Variants in SRGAP3 observed in about 807,000 individuals in gnomAD.
SRGAP3 encodes SLIT-ROBO Rho GTPase activating protein 3.
In SRGAP3, 39 loss-of-function variants were observed where a neutral mutation model predicts 121.1. The ratio of observed to expected loss-of-function variants is 0.32; its 90% CI spans 0.25 to 0.42. The LOEUF is 0.42. Among genes scored for constraint, SRGAP3 ranks in the 10% least tolerant of loss-of-function variants. The pLI is 1.00. For synonymous variants in SRGAP3, 601 were observed against 570.0 expected (o/e 1.05, Z -0.77); for missense variants, 1,213 against 1,470.6 (o/e 0.82, Z 2.86).
chr3:9,228,922 C>T (rs936190486), intron 1 of SRGAP3, among the ~76,000 whole-genome samples: 2 of 151,508 alleles, frequency 1.3e-5, no homozygotes, highest in Admixed American at 6.6e-5. Context: ...ATTAGCCGGG[C>T]GCGGTGGCGG....
intron 3 of SRGAP3, among the ~76,000 whole-genome samples, chr3:9,277,086 T>C (rs1200414983): frequency 6.6e-6 from 1 of 152,226 alleles, no homozygotes; most frequent in African/African-American, 2.4e-5. Context: ...ATACCTATTA[T>C]AAAAGATTAT....
rs74567143 is a variant in SRGAP3 at position 9,240,905 on chromosome 3, G to A, written c.67+7980C>T. ...TGAAGGGATCTGACACACCGCGGTG[G>A]CATCAAGTGCAAACTAGGAGAGGCT... On this transcript the variant is annotated intron_variant, in intron 1 of 21. Coordinates refer to ENST00000383836, the MANE Select transcript of SRGAP3 (RefSeq NM_014850.4). 1.6e-3 allele frequency among the ~76,000 whole-genome samples: 240 copies of A among 152,258 alleles called. 1 individual carries two copies. The highest frequency in any genetic ancestry group is 5.5e-3 in the African/African-American group (230 of 41,540).
chr3:9,182,307 T>C (rs529770292), intron 1 of SRGAP3, among the ~76,000 whole-genome samples: 4 of 152,040 alleles, frequency 2.6e-5, no homozygotes, highest in African/African-American at 9.6e-5. Flanking sequence ...CATCAGGGCA[T>C]GTCCTGATCC....
chr3:9,050,557 G>C (rs1024445196), intron 9 of SRGAP3, among the ~76,000 whole-genome samples: 2 of 152,212 alleles, frequency 1.3e-5, no homozygotes, highest in African/African-American at 2.4e-5. Context: ...CTAAAATAAT[G>C]AGTCATGAGA....
intron 1 of SRGAP3, among the ~76,000 whole-genome samples, chr3:9,210,453 C>G (rs1952410717): frequency 6.6e-6 from 1 of 152,150 alleles, no homozygotes; most frequent in African/African-American, 2.4e-5. Flanking sequence ...TACCACTGCA[C>G]TCCAGCCTAG....
At chr3:9,083,282 T>C (rs1947321792) in intron 3 of SRGAP3, among the ~76,000 whole-genome samples, 1 of 152,194 alleles carries the variant, frequency 6.6e-6, no homozygotes, top group African/African-American at 2.4e-5. Flanking sequence ...ATGATCTTTT[T>C]ACATAGGTAA....
intron 3 of SRGAP3, among the ~76,000 whole-genome samples, chr3:9,302,071 A>C (rs1253189179): frequency 6.6e-6 from 1 of 152,164 alleles, no homozygotes; most frequent in Non-Finnish European, 1.5e-5. Context: ...ATGTGCTTAC[A>C]ACCGTCCTCA....
upstream of SRGAP3, chr3:9,249,757 A>G (rs17744749): frequency 0.057 from 12,348 of 217,296 alleles, 514 homozygotes; most frequent in Admixed American, 0.14. Context: ...AGCAGAACTC[A>G]CTGCAAGCAA....
At chr3:9,039,876 C>G (rs559449873) in intron 10 of SRGAP3, among the ~76,000 whole-genome samples, 1 of 152,212 alleles carries the variant, frequency 6.6e-6, no homozygotes, top group African/African-American at 2.4e-5. Context: ...TCTTTATCCA[C>G]TCAACACAAA....
At chr3:8,988,830 C>A (rs979226232) in intron 21 of SRGAP3, among the ~76,000 whole-genome samples, 15 of 152,172 alleles carry the variant, frequency 9.9e-5, no homozygotes, top group Admixed American at 7.8e-4. Flanking sequence ...CCCTCACATG[C>A]GCAGTTCACA....
chr3:9,236,568 T>C (rs1392643817), intron 1 of SRGAP3, among the ~76,000 whole-genome samples: 1 of 151,962 alleles, frequency 6.6e-6, no homozygotes, highest in Non-Finnish European at 1.5e-5. Context: ...TGTTTAAAAG[T>C]GTGTGGCACT....
chr3:9,045,580 G>A (rs566334576), intron 10 of SRGAP3, among the ~76,000 whole-genome samples: 1 of 151,936 alleles, frequency 6.6e-6, no homozygotes, highest in Non-Finnish European at 1.5e-5. Context: ...TTTGAGTTGG[G>A]AACACAAAGC....
intron 1 of SRGAP3, among the ~76,000 whole-genome samples, chr3:9,210,233 C>A (rs1211377488): frequency 6.6e-6 from 1 of 152,182 alleles, no homozygotes; most frequent in Non-Finnish European, 1.5e-5. Flanking sequence ...ATGGTGTTAG[C>A]TGCACAATTC....
chr3:9,085,522 T>G (rs530109036), intron 3 of SRGAP3, among the ~76,000 whole-genome samples: 43 of 152,318 alleles, frequency 2.8e-4, no homozygotes, highest in African/African-American at 1.0e-3. Context: ...TGTATGTTCA[T>G]TGCATCACTA....
At chr3:9,039,022 T>G (rs561837767) in intron 10 of SRGAP3, among the ~76,000 whole-genome samples, 75 of 152,160 alleles carry the variant, frequency 4.9e-4, no homozygotes, top group African/African-American at 1.8e-3. Flanking sequence ...TGCTATTCCC[T>G]CCTCACCTCT....
At chr3:9,004,774 A>G (rs7621101) in intron 18 of SRGAP3, among the ~76,000 whole-genome samples, 4,633 of 152,340 alleles carry the variant, frequency 0.03, 218 homozygotes, top group African/African-American at 0.1. Flanking sequence ...AACTCAAAAT[A>G]GATCAAAGAT....
At chr3:9,335,787 C>T (rs956770534) in intron 1 of SRGAP3, among the ~76,000 whole-genome samples, 1 of 152,168 alleles carries the variant, frequency 6.6e-6, no homozygotes, top group African/African-American at 2.4e-5. Context: ...AATATCAATG[C>T]CAAGGTACCA....
At chr3:9,103,016 T>A (rs1338015426) in intron 3 of SRGAP3, among the ~76,000 whole-genome samples, 1 of 152,104 alleles carries the variant, frequency 6.6e-6, no homozygotes, top group African/African-American at 2.4e-5. Context: ...ACTGTGTAAT[T>A]TTTTTTTCTT....
intron 1 of SRGAP3, among the ~76,000 whole-genome samples, chr3:9,216,275 C>T (rs985254612): frequency 1.3e-5 from 2 of 152,214 alleles, no homozygotes; most frequent in African/African-American, 4.8e-5. Context: ...GACCATCCCC[C>T]ACAAGGGGAA....
Sources: gnomAD v4.1 joint callset for allele counts (sites outside exome capture counted in the v4.1 genomes callset) on GRCh38, gnomAD v4.1.1 for gene constraint, MANE v1.5 for transcripts, NCBI Gene and HGNC (gene_info 2026-07-23, HGNC 2026-07-21) for gene names.